The following UNC13C variants were observed in gnomAD, a reference collection of about 807,000 sequenced individuals.
The protein encoded by UNC13C is unc-13 homolog C.
Under a neutral mutation model 245.4 loss-of-function variants are expected in UNC13C, and 174 were observed. The observed-to-expected ratio is 0.71, with a 90% CI of 0.63 to 0.80. The LOEUF (loss-of-function observed/expected upper bound fraction) is 0.80. Ranked by LOEUF, UNC13C falls within the 30% of genes least tolerant of loss-of-function variation. The pLI, the probability that UNC13C is intolerant of heterozygous loss-of-function variation, is 0.00. For missense variants in UNC13C, 2,829 were observed against 2,602.9 expected (o/e 1.09, Z -1.89); for synonymous variants, 992 against 895.1 (o/e 1.11, Z -1.93).
intron 2 of UNC13C, among the ~76,000 whole-genome samples, chr15:54,125,876 G>A (rs1474875860): frequency 1.3e-5 from 2 of 152,024 alleles, no homozygotes; most frequent in Non-Finnish European, 2.9e-5. Context: ...ATTAATGTTT[G>A]TATGGTCTTT....
chr15:53,971,143 T>C, the UNC13C span, among the ~76,000 whole-genome samples: 1 of 152,296 alleles, frequency 6.6e-6, no homozygotes, highest in Non-Finnish European at 1.5e-5. Flanking sequence ...CATTGGGCAT[T>C]TGTATATCTT....
chr15:54,247,535 A>G (rs1018640309), intron 7 of UNC13C, among the ~76,000 whole-genome samples: 2 of 152,176 alleles, frequency 1.3e-5, no homozygotes, highest in African/African-American at 4.8e-5. Context: ...TTTATTTCAG[A>G]GTAATTTTCA....
chr15:54,513,686 A>C (rs535807266), intron 24 of UNC13C, among the ~76,000 whole-genome samples: 35 of 152,198 alleles, frequency 2.3e-4, no homozygotes, highest in Admixed American at 3.9e-4. Context: ...AAACTCTTGC[A>C]ATGTCTACTT....
intron 17 of UNC13C, among the ~76,000 whole-genome samples, chr15:54,340,604 G>T (rs569214365): frequency 2.8e-4 from 43 of 152,048 alleles, no homozygotes; most frequent in African/African-American, 1.0e-3. Flanking sequence ...GTAAGTATGC[G>T]GGTTTATTTA....
chr15:54,240,076 C>G (rs2035811005), intron 7 of UNC13C, among the ~76,000 whole-genome samples: 1 of 152,126 alleles, frequency 6.6e-6, no homozygotes, highest in African/African-American at 2.4e-5. Context: ...AACATATCCT[C>G]GCTTTAAGGT....
At chr15:54,369,200 CA>C (rs71436277) in intron 17 of UNC13C, among the ~76,000 whole-genome samples, 38,333 of 149,226 alleles carry the variant, frequency 0.26, 5,527 homozygotes, top group East Asian at 0.65. Context: ...CTCCCCCCCC[CA>C]AAAAAAAAAG....
At chr15:54,207,988 T>A (rs2034767228) in intron 4 of UNC13C, among the ~76,000 whole-genome samples, 2 of 152,126 alleles carry the variant, frequency 1.3e-5, no homozygotes, top group Non-Finnish European at 2.9e-5. Context: ...TGGAAAATTA[T>A]TTTAAAGAAA....
intron 19 of UNC13C, among the ~76,000 whole-genome samples, chr15:54,470,857 T>A (rs1804504935): frequency 1.3e-5 from 2 of 151,366 alleles, no homozygotes; most frequent in African/African-American, 4.8e-5. Context: ...AGATCTTTCT[T>A]CTTTTTTAAT....
At chr15:54,468,043 T>A (rs1892274824) in intron 19 of UNC13C, among the ~76,000 whole-genome samples, 1 of 151,720 alleles carries the variant, frequency 6.6e-6, no homozygotes, top group South Asian at 2.1e-4. Flanking sequence ...TTCCATACTG[T>A]TTTCCAAAGT....
intron 2 of UNC13C, among the ~76,000 whole-genome samples, chr15:54,020,505 G>A (rs915008251): frequency 4.2e-5 from 6 of 143,222 alleles, no homozygotes; most frequent in African/African-American, 1.6e-4. Context: ...GGCTGGTCTC[G>A]AACTCCTGAC....
At chr15:54,253,661 C>T (rs2036209142) in intron 8 of UNC13C, among the ~76,000 whole-genome samples, 1 of 152,080 alleles carries the variant, frequency 6.6e-6, no homozygotes, top group Non-Finnish European at 1.5e-5. Flanking sequence ...CAGGTTGTGA[C>T]CCTGAATTAC....
chr15:53,902,890 T>C, the UNC13C span, among the ~76,000 whole-genome samples: 1 of 152,148 alleles, frequency 6.6e-6, no homozygotes, highest in Non-Finnish European at 1.5e-5. Flanking sequence ...GGCAAAAGAA[T>C]GGGTGATAGA....
chr15:54,184,961 T>C (rs1356288936), intron 4 of UNC13C, among the ~76,000 whole-genome samples: 2 of 152,178 alleles, frequency 1.3e-5, no homozygotes, highest in Admixed American at 6.5e-5. Context: ...ATCACCATTC[T>C]AACTGGTGTG....
At chr15:54,003,740 C>T (rs962805181) in intron 1 of UNC13C, among the ~76,000 whole-genome samples, 3 of 152,104 alleles carry the variant, frequency 2.0e-5, no homozygotes, top group South Asian at 2.1e-4. Context: ...AGGCCGGGCG[C>T]GGTGGCTTAA....
chr15:54,452,831 C>T (rs1358286198), intron 19 of UNC13C, among the ~76,000 whole-genome samples: 2 of 152,198 alleles, frequency 1.3e-5, no homozygotes, highest in Admixed American at 6.5e-5. Context: ...GGAGCAGCCA[C>T]TTTTCTATGT....
At chr15:53,853,303 C>T in the UNC13C span, among the ~76,000 whole-genome samples, 1 of 152,096 alleles carries the variant, frequency 6.6e-6, no homozygotes, top group African/African-American at 2.4e-5. Context: ...CATTAGTTTG[C>T]ACCACCCATG....
At chr15:54,499,354 C>T (rs1894094846) in intron 20 of UNC13C, among the ~76,000 whole-genome samples, 1 of 152,080 alleles carries the variant, frequency 6.6e-6, no homozygotes, top group Non-Finnish European at 1.5e-5. Flanking sequence ...TCCTACCAGG[C>T]CCCACCTCCA....
chr15:54,206,219 T>C (rs2034703085), intron 4 of UNC13C, among the ~76,000 whole-genome samples: 1 of 152,088 alleles, frequency 6.6e-6, no homozygotes, highest in South Asian at 2.1e-4. Flanking sequence ...TTTTGTCCTG[T>C]AACAGTTTCT....
chr15:53,965,864 A>G, the UNC13C span, among the ~76,000 whole-genome samples: 52 of 152,090 alleles, frequency 3.4e-4, no homozygotes, highest in Admixed American at 2.7e-3. Flanking sequence ...ATGATTTCCA[A>G]TTTCATCCAT....
Sources: allele counts gnomAD v4.1 joint callset (sites outside exome capture counted in the v4.1 genomes callset), GRCh38; gene constraint gnomAD v4.1.1; transcripts MANE v1.5; gene names NCBI Gene and HGNC (gene_info 2026-07-23, HGNC 2026-07-21).